Variants in SLC25A48 observed in about 807,000 individuals in gnomAD.
SLC25A48 encodes solute carrier family 25 member 48, also known as CTC-321K16.1.
A neutral mutation model predicts 32.2 loss-of-function variants in SLC25A48; 29 were observed. The observed-to-expected ratio is 0.90, with a 90% CI of 0.67 to 1.23. The LOEUF (loss-of-function observed/expected upper bound fraction) is 1.23, where lower values mean the gene tolerates loss of function less well. Ranked by LOEUF, SLC25A48 falls within the 50% of genes most tolerant of loss-of-function variation. SLC25A48 has a pLI of 0.00. For synonymous variants in SLC25A48, 164 were observed against 172.3 expected (o/e 0.95, Z 0.38); for missense variants, 399 against 422.7 (o/e 0.94, Z 0.49).
intron 4 of SLC25A48, among the ~76,000 whole-genome samples, chr5:135,856,648 G>A (rs1393733085): frequency 2.6e-5 from 4 of 152,248 alleles, no homozygotes; most frequent in African/African-American, 9.6e-5. Flanking sequence ...GGGGCCATCA[G>A]GGAGACACAG....
rs1756676334 is a variant in SLC25A48, at chr5:135,779,820, G to T, written c.-520-32703G>T. Among the ~76,000 whole-genome samples, 4 of 117,088 alleles carry T rather than the reference G, an allele frequency of 3.4e-5. 2 individuals are homozygous for T. The South Asian group carries it at 1.2e-3, about 36-fold the overall frequency. 76.8% of individuals were successfully genotyped at this position (117,088 alleles called of 152,430 possible). ...AATATTGATCTCAATATCGCAAGGG[G>T]TGTACACCTTCCCTGTGATATTGTT... On this transcript the variant is annotated intron_variant, in intron 3 of 10. Coordinates refer to the SLC25A48 transcript ENST00000646290.
chr5:135,838,991 G>A (rs1453740785), intron 1 of SLC25A48, among the ~76,000 whole-genome samples: 1 of 152,192 alleles, frequency 6.6e-6, no homozygotes, highest in Non-Finnish European at 1.5e-5. Flanking sequence ...CCACAGAATG[G>A]TAGATCCACT....
chr5:135,580,913 G>A (rs941672968), intron 1 of SLC25A48, among the ~76,000 whole-genome samples: 7 of 152,142 alleles, frequency 4.6e-5, no homozygotes, highest in African/African-American at 1.7e-4. Flanking sequence ...GGCTAGCCTT[G>A]CTACAACAAT....
chr5:135,841,183 T>C (rs1392756445), intron 1 of SLC25A48, among the ~76,000 whole-genome samples: 5 of 152,264 alleles, frequency 3.3e-5, no homozygotes, highest in African/African-American at 1.2e-4. Context: ...GTTGAGCATC[T>C]ATTCATGTGT....
chr5:135,631,667 C>A (rs1287577966), intron 2 of SLC25A48, among the ~76,000 whole-genome samples: 1 of 152,234 alleles, frequency 6.6e-6, no homozygotes, highest in Non-Finnish European at 1.5e-5. Flanking sequence ...CTGTCAAAGT[C>A]ATTCTCATGT....
intron 3 of SLC25A48, among the ~76,000 whole-genome samples, chr5:135,656,218 A>G (rs801556): frequency 0.72 from 110,048 of 152,096 alleles, 40,751 homozygotes; most frequent in East Asian, 1. Flanking sequence ...CTCCTTCTCC[A>G]ATCCCCCGCT....
At chr5:135,650,053 T>C (rs1753070189) in intron 3 of SLC25A48, 1 of 164,518 alleles carries the variant, frequency 6.1e-6, no homozygotes, top group South Asian at 1.5e-4. Context: ...TTCGCCCTTT[T>C]CTTATGATCA....
upstream of SLC25A48, among the ~76,000 whole-genome samples, chr5:135,833,931 A>C (rs4623138): frequency 6.6e-6 from 1 of 152,182 alleles, no homozygotes; most frequent in East Asian, 1.9e-4. Context: ...CTTCCTCCTG[A>C]CCATACCCTT....
chr5:135,826,254 C>T (rs889079641), intron 4 of SLC25A48: 3 of 152,334 alleles, frequency 2.0e-5, no homozygotes, highest in Non-Finnish European at 4.4e-5. Flanking sequence ...TTGCCTTTCT[C>T]CTCAAGCAGC....
chr5:135,843,674 G>A (rs140009789), intron 2 of SLC25A48, among the ~76,000 whole-genome samples: 127 of 152,308 alleles, frequency 8.3e-4, no homozygotes, highest in Middle Eastern at 3.4e-3. Flanking sequence ...AGCCAGATAC[G>A]CAGAACTGAG....
At chr5:135,592,886 C>A (rs374588607) in intron 1 of SLC25A48, among the ~76,000 whole-genome samples, 3 of 152,268 alleles carry the variant, frequency 2.0e-5, no homozygotes, top group African/African-American at 7.2e-5. Flanking sequence ...CTCTCAGGCC[C>A]AGAGAGAAAG....
intron 3 of SLC25A48, among the ~76,000 whole-genome samples, chr5:135,676,758 T>G (rs1753776073): frequency 6.6e-6 from 1 of 152,034 alleles, no homozygotes; most frequent in Non-Finnish European, 1.5e-5. Flanking sequence ...TTCTATGTAT[T>G]TGTACAGTCT....
At position 135,657,319 on chromosome 5, in the gene SLC25A48, C is replaced by A. The variant is rs764357018; in HGVS notation, c.-521+22363C>A. Among the ~76,000 whole-genome samples the A allele has an allele frequency of 6.6e-5, 10 of 152,142 alleles. No homozygotes were observed. The South Asian group carries it at 1.9e-3, about 28-fold the overall frequency. ...TTCTACTGCAGAGACAAAGGTGAGA[C>A]CCTGGTTTGGTGAAAGATGTTTCTC... On this transcript the variant is annotated intron_variant, in intron 3 of 10. Coordinates refer to the SLC25A48 transcript ENST00000646290.
chr5:135,620,647 G>T (rs1057377102), intron 1 of SLC25A48, among the ~76,000 whole-genome samples: 1 of 152,090 alleles, frequency 6.6e-6, no homozygotes, highest in Middle Eastern at 3.2e-3. Flanking sequence ...GGGGAGTGGG[G>T]TTGTTGCTCC....
At chr5:135,740,081 G>A (rs1362995582) in intron 3 of SLC25A48, among the ~76,000 whole-genome samples, 2 of 152,170 alleles carry the variant, frequency 1.3e-5, no homozygotes, top group Non-Finnish European at 1.5e-5. Flanking sequence ...ATTTCTTAGT[G>A]AGCCCACCAG....
At chr5:135,723,621 T>C (rs1372185735) in intron 3 of SLC25A48, among the ~76,000 whole-genome samples, 2 of 151,744 alleles carry the variant, frequency 1.3e-5, no homozygotes, top group African/African-American at 2.4e-5. Context: ...ATCCCATCAC[T>C]GAAGCAAATC....
intron 3 of SLC25A48, among the ~76,000 whole-genome samples, chr5:135,809,355 A>C (rs761992860): frequency 7.2e-5 from 11 of 152,164 alleles, no homozygotes; most frequent in Non-Finnish European, 1.0e-4. Context: ...GGAATGAGAA[A>C]GCTCTCATTT....
chr5:135,876,460 A>G (rs749205321), intron 6 of SLC25A48: 1 of 152,128 alleles, frequency 6.6e-6, no homozygotes, highest in Non-Finnish European at 1.5e-5. Flanking sequence ...AAGTCAAGAT[A>G]ATAATACTCA....
At chr5:135,621,404 G>A (rs1360091179) in intron 1 of SLC25A48, among the ~76,000 whole-genome samples, 1 of 152,142 alleles carries the variant, frequency 6.6e-6, no homozygotes, top group Non-Finnish European at 1.5e-5. Flanking sequence ...TGGGAGAAAT[G>A]TTACAAAGGT....
Sources: allele counts gnomAD v4.1 joint callset (sites outside exome capture counted in the v4.1 genomes callset), GRCh38; gene constraint gnomAD v4.1.1; transcripts MANE v1.5; gene names NCBI Gene and HGNC (gene_info 2026-07-23, HGNC 2026-07-21).